Variants in CCSER1 observed in about 807,000 individuals in gnomAD.
The protein encoded by CCSER1 is serine-rich coiled-coil domain-containing protein 1.
Under a neutral mutation model 82.0 loss-of-function variants are expected in CCSER1, and 41 were observed. The ratio of observed to expected loss-of-function variants is 0.50; its 90% CI spans 0.39 to 0.65. The LOEUF is 0.65. Among genes scored for constraint, CCSER1 ranks in the 30% least tolerant of loss-of-function variants. The pLI is 0.00. For missense variants in CCSER1, 1,119 were observed against 1,064.2 expected, an observed-to-expected ratio of 1.05 and a Z score of -0.72; for synonymous variants, 414 against 383.9, an observed-to-expected ratio of 1.08 and a Z score of -0.92.
chr4:91,059,354 C>CATATAGTGTATATAGAT (rs1743753859), intron 9 of CCSER1, among the ~76,000 whole-genome samples: 7 of 81,672 alleles, frequency 8.6e-5, no homozygotes, highest in African/African-American at 3.2e-4. Context: ...TATATATACA[C>CATATAGTGTATATAGAT]GTGTGTATGT....
chr4:91,171,830 C>T (rs1445054069), intron 10 of CCSER1, among the ~76,000 whole-genome samples: 1 of 151,836 alleles, frequency 6.6e-6, no homozygotes, highest in Non-Finnish European at 1.5e-5. Context: ...AAAACTGTCA[C>T]CATGAAAAAT....
intron 1 of CCSER1, among the ~76,000 whole-genome samples, chr4:90,171,379 A>G (rs1335100382): frequency 6.6e-6 from 1 of 151,866 alleles, no homozygotes; most frequent in Admixed American, 6.6e-5. Context: ...ACATGAAAAC[A>G]GAATAAATAT....
At chr4:90,223,421 A>C (rs1742542054) in intron 1 of CCSER1, among the ~76,000 whole-genome samples, 1 of 152,176 alleles carries the variant, frequency 6.6e-6, no homozygotes, top group East Asian at 1.9e-4. Context: ...GGGACCAGAG[A>C]CCCAATTGCA....
intron 9 of CCSER1, among the ~76,000 whole-genome samples, chr4:91,046,991 C>T (rs1389194658): frequency 6.6e-6 from 1 of 152,090 alleles, no homozygotes; most frequent in Non-Finnish European, 1.5e-5. Flanking sequence ...GCTGGGATTA[C>T]AGGGTGATAT....
At chr4:91,372,590 A>G (rs1475421221) in intron 10 of CCSER1, among the ~76,000 whole-genome samples, 2 of 152,090 alleles carry the variant, frequency 1.3e-5, no homozygotes, top group Non-Finnish European at 2.9e-5. Flanking sequence ...AATTCTCTAA[A>G]TAGATATGCT....
At chr4:91,035,635 CT>C (rs2150565357) in intron 9 of CCSER1, among the ~76,000 whole-genome samples, 1 of 152,048 alleles carries the variant, frequency 6.6e-6, no homozygotes, top group East Asian at 1.9e-4. Context: ...TGGCTTCTAT[CT>C]TTTTTTAAAA....
intron 9 of CCSER1, among the ~76,000 whole-genome samples, chr4:91,033,236 C>T (rs912280660): frequency 3.9e-5 from 6 of 152,048 alleles, no homozygotes; most frequent in Non-Finnish European, 8.8e-5. Flanking sequence ...AGAGTTGGGG[C>T]AGCTGGAAGC....
At chr4:90,814,496 C>T (rs1156655470) in intron 7 of CCSER1, among the ~76,000 whole-genome samples, 1 of 152,178 alleles carries the variant, frequency 6.6e-6, no homozygotes, top group Non-Finnish European at 1.5e-5. Flanking sequence ...CATGGTCAGG[C>T]TGCAAATTTT....
At chr4:90,192,440 T>G (rs1735827191) in intron 1 of CCSER1, among the ~76,000 whole-genome samples, 1 of 152,044 alleles carries the variant, frequency 6.6e-6, no homozygotes, top group Non-Finnish European at 1.5e-5. Context: ...GACATTTAGT[T>G]CATTTTTATT....
rs145083551 is a variant in CCSER1 at position 90,741,631 on chromosome 4, T to C, written c.2010+17640T>C. The stretch of plus-strand genomic sequence containing the variant: ...TTCAGTGTTTATTTCTTACTTAGTA[T>C]TATCATTTCATATAAACTCCATTAT... On this transcript the variant is annotated intron_variant, in intron 7 of 10. Transcript: ENST00000509176. Among the ~76,000 whole-genome samples, 246 of 152,342 alleles carry C rather than the reference T, an allele frequency of 1.6e-3. 1 individual carries two copies. Among genetic ancestry groups the C allele is most frequent in the African/African-American group, 5.7e-3 (239 of 41,574 alleles).
chr4:90,611,118 C>T (rs1484617585), intron 5 of CCSER1, among the ~76,000 whole-genome samples: 2 of 119,062 alleles, frequency 1.7e-5, no homozygotes, highest in African/African-American at 6.9e-5. Flanking sequence ...AGGCTGGTCT[C>T]GAACTCCTGA....
intron 9 of CCSER1, among the ~76,000 whole-genome samples, chr4:90,943,246 A>T (rs996744897): frequency 6.6e-6 from 1 of 152,140 alleles, no homozygotes; most frequent in African/African-American, 2.4e-5. Context: ...TGCTACACAG[A>T]TTTTAATTTT....
intron 4 of CCSER1, among the ~76,000 whole-genome samples, chr4:90,408,024 G>A (rs1285964175): frequency 6.6e-6 from 1 of 152,296 alleles, no homozygotes; most frequent in Non-Finnish European, 1.5e-5. Context: ...CGTCCACGGA[G>A]CCTCACTCAT....
chr4:90,689,086 A>T (rs954566035), intron 6 of CCSER1, among the ~76,000 whole-genome samples: 1 of 152,094 alleles, frequency 6.6e-6, no homozygotes, highest in Admixed American at 6.6e-5. Flanking sequence ...GTTCTTCTTA[A>T]TTTGTTCTTA....
At chr4:90,681,562 G>A (rs1344253158) in intron 6 of CCSER1, among the ~76,000 whole-genome samples, 1 of 13,778 alleles carries the variant, frequency 7.3e-5, no homozygotes, top group Admixed American at 9.7e-4. Flanking sequence ...CGCTTCCCAG[G>A]TGAGGCAATG....
intron 9 of CCSER1, among the ~76,000 whole-genome samples, chr4:91,014,564 A>C (rs1465779258): frequency 7.4e-6 from 1 of 134,338 alleles, no homozygotes; most frequent in Non-Finnish European, 1.7e-5. Flanking sequence ...TAACCAGCTA[A>C]TCCTTTTATA....
chr4:90,300,523 T>C (rs1579048017), intron 1 of CCSER1, among the ~76,000 whole-genome samples: 1 of 152,160 alleles, frequency 6.6e-6, no homozygotes, highest in Non-Finnish European at 1.5e-5. Flanking sequence ...CAACTGCATG[T>C]GTGCGTAAAA....
chr4:91,291,674 C>A (rs1004623855), intron 10 of CCSER1, among the ~76,000 whole-genome samples: 1 of 151,972 alleles, frequency 6.6e-6, no homozygotes, highest in Non-Finnish European at 1.5e-5. Context: ...CGGTGCTAAA[C>A]CATTCACTAG....
intron 6 of CCSER1, among the ~76,000 whole-genome samples, chr4:90,661,416 G>A (rs1435653177): frequency 1.3e-5 from 2 of 152,140 alleles, no homozygotes; most frequent in African/African-American, 4.8e-5. Context: ...GGGAGAATTT[G>A]TGAGTGTATT....
Sources: allele counts gnomAD v4.1 joint callset (sites outside exome capture counted in the v4.1 genomes callset), GRCh38; gene constraint gnomAD v4.1.1; transcripts MANE v1.5; gene names NCBI Gene and HGNC (gene_info 2026-07-23, HGNC 2026-07-21).